The following DHRSX variants were observed in gnomAD, a reference collection of about 807,000 sequenced individuals.
DHRSX encodes dehydrogenase/reductase X-linked, also known as polyprenol dehydrogenase.
Under a neutral mutation model 34.0 loss-of-function variants are expected in DHRSX, and 31 were observed. The ratio of observed to expected loss-of-function variants is 0.91; its 90% CI spans 0.69 to 1.23. DHRSX has a LOEUF of 1.23. Among genes scored for constraint, DHRSX ranks in the 50% most tolerant of loss-of-function variants. The pLI is 0.00. For missense variants in DHRSX, 414 were observed against 428.1 expected (o/e 0.97, Z 0.29); for synonymous variants, 201 against 183.8 (o/e 1.09, Z -0.76).
intron 4 of DHRSX, among the ~76,000 whole-genome samples, chrX:2,276,865 A>G (rs1161189188): frequency 1.1e-3 from 47 of 43,074 alleles, no homozygotes; most frequent in Non-Finnish European, 1.6e-3. Context: ...AACGAGAGGG[A>G]GAGAGAAGGA....
intron 3 of DHRSX, among the ~76,000 whole-genome samples, chrX:2,386,909 A>G (rs192041206): frequency 1.5e-5 from 2 of 133,484 alleles, no homozygotes; most frequent in African/African-American, 2.8e-5. Flanking sequence ...CTTCTCTGCT[A>G]CTTTCCTTTT....
intron 3 of DHRSX, among the ~76,000 whole-genome samples, chrX:2,303,541 A>C (rs1288301465): frequency 6.6e-6 from 1 of 152,112 alleles, no homozygotes; most frequent in African/African-American, 2.4e-5. Context: ...GCCTCCCCAG[A>C]AGCAGAAGCT....
intron 2 of DHRSX, among the ~76,000 whole-genome samples, chrX:2,409,350 G>C (rs768235315): frequency 2.0e-5 from 3 of 151,994 alleles, no homozygotes; most frequent in Non-Finnish European, 4.4e-5. Flanking sequence ...AGGTATACAC[G>C]TGCCATGGCA....
At chrX:2,499,093 CG>C (rs1360702971) in intron 1 of DHRSX, among the ~76,000 whole-genome samples, 2 of 152,098 alleles carry the variant, frequency 1.3e-5, no homozygotes, top group African/African-American at 4.8e-5. Flanking sequence ...ACTCCAGGCA[CG>C]CTTCTCAAAG....
At chrX:2,351,828 T>A (rs2042792206) in intron 3 of DHRSX, among the ~76,000 whole-genome samples, 1 of 152,172 alleles carries the variant, frequency 6.6e-6, no homozygotes, top group Non-Finnish European at 1.5e-5. Context: ...CAAGCGATTC[T>A]CCAGCCTCAG....
chrX:2,259,361 TATAG>T (rs1198814427), intron 5 of DHRSX, among the ~76,000 whole-genome samples: 5 of 94,044 alleles, frequency 5.3e-5, no homozygotes, highest in African/African-American at 1.7e-4. Context: ...TATAGATAGA[TATAG>T]ATATATATAG....
At chrX:2,380,165 C>T (rs537358583) in intron 3 of DHRSX, among the ~76,000 whole-genome samples, 15 of 151,888 alleles carry the variant, frequency 9.9e-5, no homozygotes, top group East Asian at 5.8e-4. Context: ...CATGGTGGCA[C>T]GTCCCCATAA....
Position 2,355,511 on chromosome X carries a change from TAAAAAAAAAA to T in DHRSX, c.286+53224_286+53233del, listed in dbSNP as rs767512287. On this transcript the variant is annotated intron_variant, in intron 3 of 6. Coordinates refer to ENST00000334651, the MANE Select transcript of DHRSX (RefSeq NM_145177.3). Reference sequence around the variant, plus strand: ...TGGGTGACAAGAGCGAGACCCCATCTAAAAAAAAAAAAAAAAAAAAAAAAAAAAAAAAAAG... The same window carrying T: ...TGGGTGACAAGAGCGAGACCCCATCTAAAAAAAAAAAAAAAAAAAAAAAAG... 2.7e-3 allele frequency among the ~76,000 whole-genome samples: 201 copies of T among 75,274 alleles called. 3 individuals carry two copies. Among genetic ancestry groups the T allele is most frequent in the Admixed American group, 4.1e-3 (18 of 4,410 alleles). The allele number at this position is 75,274 out of a possible 152,430, so 49.4% of individuals were successfully genotyped here. A position where few individuals can be genotyped will look rare whatever the true frequency, so the allele number is the denominator to read the frequency against.
At chrX:2,357,973 T>TA (rs946704548) in intron 3 of DHRSX, among the ~76,000 whole-genome samples, 4 of 152,112 alleles carry the variant, frequency 2.6e-5, no homozygotes, top group African/African-American at 9.7e-5. Flanking sequence ...ACGCTTATTT[T>TA]AAAAAACTAA....
intron 3 of DHRSX, among the ~76,000 whole-genome samples, chrX:2,321,132 G>C (rs1391698460): frequency 6.6e-6 from 1 of 152,122 alleles, no homozygotes; most frequent in African/African-American, 2.4e-5. Flanking sequence ...GAGAGCCTAA[G>C]TATATCTTCA....
intron 2 of DHRSX, among the ~76,000 whole-genome samples, chrX:2,422,923 T>C (rs2043798553): frequency 6.6e-6 from 1 of 151,934 alleles, no homozygotes; most frequent in South Asian, 2.1e-4. Flanking sequence ...TAGCTGGGAC[T>C]ACAGGCGCCC....
intron 1 of DHRSX, among the ~76,000 whole-genome samples, chrX:2,452,452 A>T (rs1434789485): frequency 6.6e-6 from 1 of 151,836 alleles, no homozygotes; most frequent in Admixed American, 6.6e-5. Flanking sequence ...AATGTGGATA[A>T]GGGACCTCCG....
At chrX:2,360,491 G>C (rs1463036372) in intron 3 of DHRSX, among the ~76,000 whole-genome samples, 2 of 152,140 alleles carry the variant, frequency 1.3e-5, no homozygotes, top group East Asian at 1.9e-4. Context: ...GCTGAGGCAG[G>C]AGAATCGCTT....
At chrX:2,411,168 C>A (rs2043622538) in intron 2 of DHRSX, among the ~76,000 whole-genome samples, 1 of 152,106 alleles carries the variant, frequency 6.6e-6, no homozygotes, top group Admixed American at 6.6e-5. Flanking sequence ...CATTCATGAG[C>A]TTATTTATGA....
At chrX:2,270,435 A>G (rs185392062) in intron 4 of DHRSX, among the ~76,000 whole-genome samples, 1 of 152,142 alleles carries the variant, frequency 6.6e-6, no homozygotes, top group Admixed American at 6.6e-5. Context: ...TCCCGAAGAG[A>G]CAAGTGTGAA....
intron 1 of DHRSX, among the ~76,000 whole-genome samples, chrX:2,495,157 G>A (rs2045250052): frequency 6.7e-6 from 1 of 149,188 alleles, no homozygotes; most frequent in Admixed American, 6.7e-5. Context: ...ATTATTACTG[G>A]GCTGAAAGAA....
intron 3 of DHRSX, among the ~76,000 whole-genome samples, chrX:2,395,706 C>T (rs1366639827): frequency 6.6e-6 from 1 of 152,048 alleles, no homozygotes; most frequent in Non-Finnish European, 1.5e-5. Flanking sequence ...GTGACACACG[C>T]ATGTTCAGGG....
At chrX:2,282,485 G>C (rs1467539138) in intron 4 of DHRSX, among the ~76,000 whole-genome samples, 2 of 145,426 alleles carry the variant, frequency 1.4e-5, no homozygotes, top group African/African-American at 5.0e-5. Flanking sequence ...GTGGGACACA[G>C]AGGAAGACAA....
chrX:2,428,027 T>C (rs1404881438), intron 1 of DHRSX, among the ~76,000 whole-genome samples: 2 of 152,178 alleles, frequency 1.3e-5, no homozygotes, highest in Non-Finnish European at 2.9e-5. Flanking sequence ...GTACCACATG[T>C]TATCCCTTAT....
Sources: gnomAD v4.1 joint callset for allele counts (sites outside exome capture counted in the v4.1 genomes callset) on GRCh38, gnomAD v4.1.1 for gene constraint, MANE v1.5 for transcripts, NCBI Gene and HGNC (gene_info 2026-07-23, HGNC 2026-07-21) for gene names.